KLHL3: variants seen among roughly 807,000 people sequenced by gnomAD.
KLHL3 encodes the protein kelch like family member 3.
KLHL3 carries 19 observed loss-of-function variants against 70.5 expected under a neutral mutation model. The observed-to-expected ratio is 0.27, with a 90% CI of 0.19 to 0.40. KLHL3 has a LOEUF of 0.40. KLHL3 is among the 10% of genes least tolerant of loss of function. The pLI, the probability that KLHL3 is intolerant of heterozygous loss-of-function variation, is 1.00. For synonymous variants in KLHL3, 258 were observed against 290.3 expected (o/e 0.89, Z 1.13); for missense variants, 512 against 771.1 (o/e 0.66, Z 3.98).
chr5:137,713,344 T>C (rs1239066618), intron 2 of KLHL3, among the ~76,000 whole-genome samples: 2 of 151,980 alleles, frequency 1.3e-5, no homozygotes, highest in African/African-American at 4.8e-5. Flanking sequence ...GCTATATAGA[T>C]CAATAAAATA....
chr5:137,624,641 G>A (rs1259819401), intron 14 of KLHL3, among the ~76,000 whole-genome samples: 1 of 152,186 alleles, frequency 6.6e-6, no homozygotes, highest in African/African-American at 2.4e-5. Flanking sequence ...TGCAAAATGG[G>A]AATCGGAAGA....
At chr5:137,668,873 T>C (rs1251338266) in intron 6 of KLHL3, among the ~76,000 whole-genome samples, 13 of 149,942 alleles carry the variant, frequency 8.7e-5, no homozygotes, top group Non-Finnish European at 1.1e-4. Context: ...ATCAGGGCTT[T>C]TAGAATGTTT....
chr5:137,680,024 C>T (rs1467795505), intron 5 of KLHL3, among the ~76,000 whole-genome samples: 1 of 152,194 alleles, frequency 6.6e-6, no homozygotes, highest in Admixed American at 6.5e-5. Flanking sequence ...CTCTCTGTTA[C>T]CAACACTCAA....
At chr5:137,678,916 C>T (rs970732912) in intron 5 of KLHL3, among the ~76,000 whole-genome samples, 9 of 151,916 alleles carry the variant, frequency 5.9e-5, no homozygotes, top group African/African-American at 2.2e-4. Context: ...AATATTTACA[C>T]ATAACAAGAC....
intron 2 of KLHL3, among the ~76,000 whole-genome samples, chr5:137,711,862 T>C (rs1752797737): frequency 6.6e-6 from 1 of 152,014 alleles, no homozygotes. Flanking sequence ...TTTACTTACA[T>C]TTAGGAAGAA....
intron 12 of KLHL3, chr5:137,630,026 A>C (rs1750595591): frequency 6.6e-6 from 1 of 152,072 alleles, no homozygotes; most frequent in Non-Finnish European, 1.5e-5. Flanking sequence ...GGCTCCTGGC[A>C]CCTCAAAGGG....
intron 5 of KLHL3, among the ~76,000 whole-genome samples, chr5:137,681,725 C>T (rs559335769): frequency 4.7e-4 from 72 of 152,088 alleles, no homozygotes; most frequent in African/African-American, 1.7e-3. Context: ...ACTAACTTTT[C>T]TTATCGTTTC....
intron 1 of KLHL3, among the ~76,000 whole-genome samples, chr5:137,722,851 G>A (rs1475527362): frequency 6.6e-6 from 1 of 152,032 alleles, no homozygotes; most frequent in African/African-American, 2.4e-5. Flanking sequence ...ATTTTTAGTA[G>A]AAATGGGGAG....
chr5:137,683,311 C>T (rs368649445), intron 5 of KLHL3, among the ~76,000 whole-genome samples: 9 of 152,130 alleles, frequency 5.9e-5, no homozygotes, highest in African/African-American at 2.2e-4. Flanking sequence ...GGCCAGCAGC[C>T]CCAGGGAACA....
At chr5:137,724,456 G>A (rs1753054232) in intron 1 of KLHL3, among the ~76,000 whole-genome samples, 1 of 152,186 alleles carries the variant, frequency 6.6e-6, no homozygotes, top group Admixed American at 6.5e-5. Flanking sequence ...ATCCCCTGTT[G>A]TGTTTACCAA....
chr5:137,664,039 ATTC>A (rs1751552135), intron 6 of KLHL3, among the ~76,000 whole-genome samples: 1 of 152,178 alleles, frequency 6.6e-6, no homozygotes, highest in Non-Finnish European at 1.5e-5. Flanking sequence ...AATATAAAAT[ATTC>A]TTAATTTTTT....
rs187583821 is a variant in KLHL3, at chr5:137,633,390, A to G, written c.1450+647T>C. On this transcript the variant is annotated intron_variant, in intron 12 of 14. Transcript: ENST00000309755. ...GGAAATATAAATTAATACAACCTCT[A>G]TGGAAAAACAGTATGGGGATTTCTC... Among the ~76,000 whole-genome samples, 177 of 152,076 alleles carry G rather than the reference A, an allele frequency of 1.2e-3. 2 individuals are homozygous for G. The highest frequency in any genetic ancestry group is 3.4e-3 in the Middle Eastern group (1 of 294).
chr5:137,690,352 G>C (rs1328968425), intron 5 of KLHL3, among the ~76,000 whole-genome samples: 1 of 149,572 alleles, frequency 6.7e-6, no homozygotes, highest in African/African-American at 2.5e-5. Context: ...AATCTGCAGA[G>C]AAAATGCTTG....
intron 1 of KLHL3, among the ~76,000 whole-genome samples, chr5:137,732,126 C>T (rs1260212017): frequency 1.3e-5 from 2 of 152,130 alleles, no homozygotes; most frequent in Non-Finnish European, 1.5e-5. Context: ...AATAAAATCC[C>T]AATTGCAAGG....
intron 5 of KLHL3, among the ~76,000 whole-genome samples, chr5:137,686,766 T>C (rs1052587947): frequency 2.0e-5 from 3 of 152,240 alleles, no homozygotes; most frequent in African/African-American, 4.8e-5. Flanking sequence ...GGAGTAAGCA[T>C]GGATAATCAT....
At chr5:137,732,833 G>C (rs1173124872) in intron 1 of KLHL3, among the ~76,000 whole-genome samples, 1 of 152,174 alleles carries the variant, frequency 6.6e-6, no homozygotes, top group Non-Finnish European at 1.5e-5. Flanking sequence ...TCTATGAAGT[G>C]TAAGTACTGT....
At chr5:137,653,736 C>G (rs1751267854) in intron 8 of KLHL3, among the ~76,000 whole-genome samples, 1 of 152,218 alleles carries the variant, frequency 6.6e-6, no homozygotes, top group Non-Finnish European at 1.5e-5. Flanking sequence ...TACAACCCAG[C>G]AATCCTACTC....
intron 1 of KLHL3, among the ~76,000 whole-genome samples, chr5:137,722,741 G>C (rs1753019526): frequency 2.6e-5 from 4 of 151,930 alleles, no homozygotes; most frequent in African/African-American, 9.7e-5. Flanking sequence ...TGCAGATCTT[G>C]GCTCAACCTC....
At position 137,709,814 on chromosome 5, in the gene KLHL3, G is replaced by T. The variant is rs1393736949; in HGVS notation, c.177C>A (p.Val59=). Residue 59 remains valine (V), a synonymous_variant, in exon 3 of 15, where the codon GTC becomes GTA. Coordinates refer to ENST00000309755, the MANE Select transcript of KLHL3 (RefSeq NM_017415.3). ...GGACCACACGGTGGGCTTCTATCTC[G>T]ACATCTTCTGCCACAATCATCACGT... is the stretch of plus-strand genomic sequence containing the variant. The part of the protein sequence containing the change: ...LCDVMIVAED[V]EIEAHRVVLA... 1 of 1,614,018 alleles carries T rather than the reference G, an allele frequency of 6.2e-7. No homozygotes were observed. The highest frequency in any genetic ancestry group is 1.1e-5 in the South Asian group (1 of 91,064).
Sources: allele counts gnomAD v4.1 joint callset (sites outside exome capture counted in the v4.1 genomes callset), GRCh38; gene constraint gnomAD v4.1.1; transcripts MANE v1.5; gene names NCBI Gene and HGNC (gene_info 2026-07-23, HGNC 2026-07-21).